The following DISC1 variants were observed in gnomAD, a reference collection of about 807,000 sequenced individuals.
DISC1 encodes disrupted in schizophrenia 1 protein.
Under a neutral mutation model 84.5 loss-of-function variants are expected in DISC1, and 57 were observed. The ratio of observed to expected loss-of-function variants is 0.67; its 90% CI spans 0.55 to 0.84. DISC1 has a LOEUF of 0.84. Among genes scored for constraint, DISC1 ranks in the 40% least tolerant of loss-of-function variants. DISC1 has a pLI of 0.00. For synonymous variants in DISC1, 411 were observed against 415.2 expected, an observed-to-expected ratio of 0.99 and a Z score of 0.12; for missense variants, 1,000 against 1,057.8, an observed-to-expected ratio of 0.95 and a Z score of 0.76.
intron 3 of DISC1, among the ~76,000 whole-genome samples, chr1:231,730,336 A>G (rs1031601813): frequency 1.3e-5 from 2 of 152,278 alleles, no homozygotes; most frequent in African/African-American, 4.8e-5. Flanking sequence ...TAAAGAAGCC[A>G]ATGAAAAAGA....
chr1:231,812,038 G>T (rs2080352318), intron 8 of DISC1, among the ~76,000 whole-genome samples: 1 of 152,128 alleles, frequency 6.6e-6, no homozygotes. Flanking sequence ...AATGCCCCAG[G>T]TGCTATGAAG....
At chr1:231,963,762 C>G (rs756790407) in intron 10 of DISC1, among the ~76,000 whole-genome samples, 3 of 152,202 alleles carry the variant, frequency 2.0e-5, no homozygotes, top group Non-Finnish European at 1.5e-5. Context: ...GCAAGACTCA[C>G]GTCTCCAACA....
intron 7 of DISC1, among the ~76,000 whole-genome samples, chr1:231,797,550 G>A (rs1414909485): frequency 6.6e-6 from 1 of 152,120 alleles, no homozygotes; most frequent in East Asian, 1.9e-4. Context: ...AGAGGGCAAG[G>A]CGGGGTCTCT....
At chr1:231,656,484 A>G (rs2061087346) in intron 1 of DISC1, among the ~76,000 whole-genome samples, 1 of 152,172 alleles carries the variant, frequency 6.6e-6, no homozygotes, top group Non-Finnish European at 1.5e-5. Context: ...TCTGATTACA[A>G]TAGCCTTGCA....
intron 9 of DISC1, among the ~76,000 whole-genome samples, chr1:231,910,293 C>T (rs1367125109): frequency 1.3e-5 from 2 of 152,174 alleles, no homozygotes; most frequent in Admixed American, 6.5e-5. Flanking sequence ...AGCTTTCCTG[C>T]TTTCTCTTGT....
intron 1 of DISC1, among the ~76,000 whole-genome samples, chr1:231,660,571 G>T (rs1353188508): frequency 6.6e-6 from 1 of 152,100 alleles, no homozygotes; most frequent in Non-Finnish European, 1.5e-5. Context: ...CTGCCTCCCG[G>T]GTGAAGCGAT....
chr1:231,665,395 C>T (rs2061935908), intron 1 of DISC1, among the ~76,000 whole-genome samples: 2 of 152,094 alleles, frequency 1.3e-5, no homozygotes, highest in South Asian at 4.1e-4. Context: ...TGGAAGTGCT[C>T]CCAAAAAGCA....
chr1:231,693,621 G>A (rs1210043795), intron 1 of DISC1, among the ~76,000 whole-genome samples: 4 of 152,140 alleles, frequency 2.6e-5, no homozygotes, highest in Non-Finnish European at 5.9e-5. Flanking sequence ...ATGCTGTGTT[G>A]ATTTCTACAT....
At chr1:231,659,968 T>G (rs994812590) in intron 1 of DISC1, among the ~76,000 whole-genome samples, 1 of 152,202 alleles carries the variant, frequency 6.6e-6, no homozygotes, top group African/African-American at 2.4e-5. Flanking sequence ...GGTGGAGAAT[T>G]CTGTAGATAT....
chr1:231,883,166 G>T (rs115073808), intron 9 of DISC1, among the ~76,000 whole-genome samples: 4,084 of 152,184 alleles, frequency 0.027, 70 homozygotes, highest in Non-Finnish European at 0.037. Context: ...ATCAAGAAAT[G>T]CTCCCAAGAG....
intron 11 of DISC1, among the ~76,000 whole-genome samples, chr1:232,015,621 T>A (rs1394599258): frequency 1.3e-5 from 2 of 152,098 alleles, no homozygotes; most frequent in Admixed American, 6.6e-5. Flanking sequence ...GAGCTTCCAC[T>A]CCCCAGGAGC....
At chr1:232,001,424 G>A (rs1343915036) in intron 10 of DISC1, among the ~76,000 whole-genome samples, 3 of 152,106 alleles carry the variant, frequency 2.0e-5, no homozygotes, top group African/African-American at 7.2e-5. Flanking sequence ...TGGAAGGGAG[G>A]TTTATTTGCA....
At chr1:231,962,846 G>T (rs890432909) in intron 10 of DISC1, among the ~76,000 whole-genome samples, 2 of 152,128 alleles carry the variant, frequency 1.3e-5, no homozygotes, top group Admixed American at 6.5e-5. Context: ...CTGGCTGCCT[G>T]GGTGGGCGGG....
At chr1:231,655,169 A>G (rs1484391617) in intron 1 of DISC1, among the ~76,000 whole-genome samples, 1 of 152,192 alleles carries the variant, frequency 6.6e-6, no homozygotes, top group African/African-American at 2.4e-5. Flanking sequence ...GATGAATGGT[A>G]TAGTCCTGAA....
intron 8 of DISC1, 113 bp downstream of exon 8, chr1:231,800,323 C>T (rs1243461795): frequency 3.4e-6 from 3 of 879,136 alleles, no homozygotes; most frequent in Admixed American, 2.0e-5. Flanking sequence ...CATTCTCAGA[C>T]ATCTGAAAGC....
At chr1:231,963,542 C>G (rs1462664952) in intron 10 of DISC1, among the ~76,000 whole-genome samples, 1 of 152,116 alleles carries the variant, frequency 6.6e-6, no homozygotes, top group East Asian at 1.9e-4. Flanking sequence ...TCACCCTCAC[C>G]AGGCCTTCCC....
Position 231,961,584 on chromosome 1 carries a change from A to G in DISC1, c.2042+2696A>G, listed in dbSNP as rs9431738. Among the ~76,000 whole-genome samples the G allele has an allele frequency of 8.0e-3, 1,212 of 152,126 alleles. 8 individuals carry two copies. Among genetic ancestry groups the G allele is most frequent in the Non-Finnish European group, 0.011 (766 of 68,004 alleles). Reference sequence around the variant, plus strand: ...ATCTATTGTTCCCATCTTTATATCCATGAGTACCCAGTGTTTAGCTCCCAC... The same window carrying G: ...ATCTATTGTTCCCATCTTTATATCCGTGAGTACCCAGTGTTTAGCTCCCAC... On this transcript the variant is annotated intron_variant, in intron 10 of 12. Coordinates refer to ENST00000439617, the MANE Select transcript of DISC1 (RefSeq NM_018662.3).
intron 9 of DISC1, among the ~76,000 whole-genome samples, chr1:231,891,217 A>C (rs1168573861): frequency 2.0e-5 from 3 of 152,226 alleles, no homozygotes; most frequent in Admixed American, 1.3e-4. Flanking sequence ...TGAGCTAAAA[A>C]AGAAAATTGC....
chr1:231,979,139 G>A (rs1053414779), intron 10 of DISC1, among the ~76,000 whole-genome samples: 2 of 151,846 alleles, frequency 1.3e-5, no homozygotes, highest in Non-Finnish European at 2.9e-5. Context: ...AATGCCTGAC[G>A]ATCTGTCACT....
Sources: allele counts gnomAD v4.1 joint callset (sites outside exome capture counted in the v4.1 genomes callset), GRCh38; gene constraint gnomAD v4.1.1; transcripts MANE v1.5; gene names NCBI Gene and HGNC (gene_info 2026-07-23, HGNC 2026-07-21).